The following ESYT2 variants were observed in gnomAD, a reference collection of about 807,000 sequenced individuals.
ESYT2 encodes the protein extended synaptotagmin 2, also known as extended synaptotagmin-2.
Under a neutral mutation model 107.2 loss-of-function variants are expected in ESYT2, and 54 were observed. The observed-to-expected ratio is 0.50, with a 90% CI of 0.40 to 0.63. The LOEUF is 0.63. ESYT2 is among the 30% of genes least tolerant of loss of function. The pLI, the probability that ESYT2 is intolerant of heterozygous loss-of-function variation, is 0.00. For synonymous variants in ESYT2, 491 were observed against 434.1 expected (o/e 1.13, Z -1.63); for missense variants, 1,020 against 1,094.5 (o/e 0.93, Z 0.96).
At chr7:158,827,970 A>G (rs946164274) in intron 1 of ESYT2, among the ~76,000 whole-genome samples, 13 of 152,214 alleles carry the variant, frequency 8.5e-5, no homozygotes, top group African/African-American at 2.7e-4. Context: ...TAAATATACG[A>G]GGTAGAGAAC....
chr7:158,766,225 G>C (rs114827825), intron 8 of ESYT2, among the ~76,000 whole-genome samples: 1,827 of 152,180 alleles, frequency 0.012, 35 homozygotes, highest in African/African-American at 0.042. Context: ...AGGAATACAT[G>C]TCCCCCCACA....
At chr7:158,744,745 T>C (rs947914971) in intron 16 of ESYT2, among the ~76,000 whole-genome samples, 2 of 152,204 alleles carry the variant, frequency 1.3e-5, no homozygotes, top group Admixed American at 6.5e-5. Context: ...TAAAATAATT[T>C]AATCAAATAG....
chr7:158,774,500 T>C (rs1212234494), intron 6 of ESYT2, among the ~76,000 whole-genome samples: 1 of 152,092 alleles, frequency 6.6e-6, no homozygotes, highest in Admixed American at 6.5e-5. Context: ...CCCACCTGGC[T>C]AAACCTCTAC....
chr7:158,818,233 C>G (rs1840198942), intron 1 of ESYT2, among the ~76,000 whole-genome samples: 1 of 152,142 alleles, frequency 6.6e-6, no homozygotes, highest in African/African-American at 2.4e-5. Flanking sequence ...ATCAGGATGA[C>G]TCCTGGAAGT....
intron 4 of ESYT2, among the ~76,000 whole-genome samples, chr7:158,788,853 T>G (rs1839192992): frequency 6.6e-6 from 1 of 152,232 alleles, no homozygotes; most frequent in Admixed American, 6.5e-5. Flanking sequence ...TTTCACACCT[T>G]GCTTCCCAAT....
At chr7:158,755,490 C>T (rs1837722767) in intron 13 of ESYT2, among the ~76,000 whole-genome samples, 1 of 152,162 alleles carries the variant, frequency 6.6e-6, no homozygotes. Context: ...TGGGAAAAAG[C>T]AACTTGGAAA....
intron 14 of ESYT2, 118 bp downstream of exon 14, chr7:158,752,663 A>T: frequency 3.6e-6 from 2 of 561,160 alleles, no homozygotes; most frequent in Non-Finnish European, 5.5e-6. Context: ...CTCTTCCACT[A>T]GACAATTAAT....
chr7:158,742,445 G>A (rs1290168284), intron 17 of ESYT2, among the ~76,000 whole-genome samples: 3 of 152,194 alleles, frequency 2.0e-5, no homozygotes, highest in Non-Finnish European at 2.9e-5. Flanking sequence ...ACACAATTGT[G>A]GGACAATGTT....
At chr7:158,761,588 T>C (rs1837965688) in intron 10 of ESYT2, 44 bp from the exon 11 acceptor site, 1 of 1,537,864 alleles carries the variant, frequency 6.5e-7, no homozygotes, top group African/African-American at 1.4e-5. Flanking sequence ...TAGAAACACA[T>C]TTCTTACTGA....
chr7:158,738,113 C>A (rs770501602), intron 19 of ESYT2, among the ~76,000 whole-genome samples: 5 of 151,932 alleles, frequency 3.3e-5, no homozygotes, highest in Non-Finnish European at 7.4e-5. Flanking sequence ...CCCAGCTACT[C>A]AGGAGGCCTG....
chr7:158,796,542 G>GA (rs1839463688), intron 3 of ESYT2, among the ~76,000 whole-genome samples: 1 of 152,170 alleles, frequency 6.6e-6, no homozygotes, highest in African/African-American at 2.4e-5. Context: ...TCGCTCACAG[G>GA]AAAGACTACT....
intron 1 of ESYT2, among the ~76,000 whole-genome samples, chr7:158,818,269 C>T (rs1247416496): frequency 6.6e-6 from 1 of 152,148 alleles, no homozygotes; most frequent in African/African-American, 2.4e-5. Flanking sequence ...TAGCCATGTC[C>T]TTGGAACAAT....
At chr7:158,800,459 G>C (rs969449162) in intron 1 of ESYT2, among the ~76,000 whole-genome samples, 5 of 152,024 alleles carry the variant, frequency 3.3e-5, no homozygotes, top group African/African-American at 1.2e-4. Context: ...GTTCAATCAC[G>C]GCTCACTGCA....
At chr7:158,767,835 C>G in intron 7 of ESYT2, 61 bp from the exon 8 acceptor site, 2 of 1,558,148 alleles carry the variant, frequency 1.3e-6, no homozygotes, top group Non-Finnish European at 1.7e-6. Context: ...CTTCTCTCAC[C>G]TTTGACAACA....
chr7:158,827,222 G>A (rs1314708045), intron 1 of ESYT2, among the ~76,000 whole-genome samples: 5 of 149,778 alleles, frequency 3.3e-5, no homozygotes, highest in African/African-American at 1.2e-4. Context: ...TTTTTAACAA[G>A]CAAATTTGAT....
At chr7:158,822,094 T>TG (rs1840301063) in intron 1 of ESYT2, among the ~76,000 whole-genome samples, 1 of 152,048 alleles carries the variant, frequency 6.6e-6, no homozygotes, top group Non-Finnish European at 1.5e-5. Flanking sequence ...CTGCATAGAG[T>TG]GGGTCCTTAC....
At chr7:158,783,379 C>T (rs1393993908) in intron 6 of ESYT2, among the ~76,000 whole-genome samples, 2 of 152,184 alleles carry the variant, frequency 1.3e-5, no homozygotes, top group East Asian at 3.9e-4. Flanking sequence ...ATCCTGGCTG[C>T]ATTGAGCTCC....
intron 13 of ESYT2, among the ~76,000 whole-genome samples, chr7:158,757,620 T>C (rs1472783987): frequency 6.6e-6 from 1 of 150,978 alleles, no homozygotes; most frequent in Non-Finnish European, 1.5e-5. Context: ...CAAAGGATCC[T>C]AGAGCCCGCG....
chr7:158,737,264 T>A, intron 19 of ESYT2, 85 bp from the exon 20 acceptor site: 1 of 1,490,958 alleles, frequency 6.7e-7, no homozygotes. Context: ...TTATCAAGCT[T>A]TGATTTCATG....
Sources: gnomAD v4.1 joint callset for allele counts (sites outside exome capture counted in the v4.1 genomes callset) on GRCh38, gnomAD v4.1.1 for gene constraint, MANE v1.5 for transcripts, NCBI Gene and HGNC (gene_info 2026-07-23, HGNC 2026-07-21) for gene names.